PGCKA1: variants seen among roughly 807,000 people sequenced by gnomAD.
PGCKA1 encodes the protein PDCD10 and GCKIII kinases-associated protein 1.
At chr4:37,471,928 A>G in the PGCKA1 span, among the ~76,000 whole-genome samples, 8 of 152,132 alleles carry the variant, frequency 5.3e-5, no homozygotes, top group African/African-American at 1.9e-4. Flanking sequence ...CTCTGGCCTC[A>G]TTTTCTTTAA....
chr4:37,575,448 A>AT, the PGCKA1 span, among the ~76,000 whole-genome samples: 34 of 148,822 alleles, frequency 2.3e-4, no homozygotes, highest in East Asian at 1.2e-3. Context: ...GGATTCTTAG[A>AT]TTTTTTTTTT....
chr4:37,553,881 G>C, the PGCKA1 span, among the ~76,000 whole-genome samples: 1 of 152,158 alleles, frequency 6.6e-6, no homozygotes, highest in African/African-American at 2.4e-5. Context: ...TCTCTACTGA[G>C]GGTTTATAGT....
chr4:37,512,860 G>A, the PGCKA1 span, among the ~76,000 whole-genome samples: 77,505 of 151,344 alleles, frequency 0.51, 20,154 homozygotes, highest in African/African-American at 0.6. Context: ...AGGCCGAAGG[G>A]GGCAGATCAC....
the PGCKA1 span, among the ~76,000 whole-genome samples, chr4:37,462,247 C>T: frequency 6.6e-6 from 1 of 152,302 alleles, no homozygotes; most frequent in Admixed American, 6.5e-5. Flanking sequence ...TTCCCAACAA[C>T]CCTGTGATAT....
chr4:37,515,031 T>C, the PGCKA1 span, among the ~76,000 whole-genome samples: 1 of 152,224 alleles, frequency 6.6e-6, no homozygotes, highest in Admixed American at 6.5e-5. Context: ...TGAATGTTTA[T>C]GTCTCTCCAA....
the PGCKA1 span, among the ~76,000 whole-genome samples, chr4:37,522,666 G>A: frequency 1.3e-5 from 2 of 152,094 alleles, no homozygotes; most frequent in Admixed American, 1.3e-4. Context: ...ATCATTCAGG[G>A]GCCAGGGGCT....
the PGCKA1 span, among the ~76,000 whole-genome samples, chr4:37,480,638 A>C: frequency 1.2e-4 from 18 of 152,352 alleles, no homozygotes; most frequent in Non-Finnish European, 2.5e-4. Flanking sequence ...TGTGTGGAGA[A>C]GTTCATGGCA....
the PGCKA1 span, chr4:37,589,008 T>A: frequency 1.3e-6 from 1 of 788,142 alleles, no homozygotes; most frequent in Non-Finnish European, 2.2e-6. Context: ...TGGGGCATGA[T>A]CAACATTGCC....
At chr4:37,587,842 G>A in the PGCKA1 span, among the ~76,000 whole-genome samples, 9 of 152,162 alleles carry the variant, frequency 5.9e-5, no homozygotes, top group East Asian at 1.9e-4. Flanking sequence ...GGTGGCACCC[G>A]CCTGTAAACC....
chr4:37,587,897 A>T, the PGCKA1 span, among the ~76,000 whole-genome samples: 7 of 152,296 alleles, frequency 4.6e-5, no homozygotes, highest in South Asian at 1.5e-3. Context: ...TGAACCTGGG[A>T]GGCAGAGGTT....
chr4:37,534,873 G>A, the PGCKA1 span, among the ~76,000 whole-genome samples: 2 of 152,216 alleles, frequency 1.3e-5, no homozygotes, highest in African/African-American at 2.4e-5. Context: ...GGACACTAGT[G>A]TTCAGGCCAT....
chr4:37,588,004 T>C, the PGCKA1 span: 1 of 152,214 alleles, frequency 6.6e-6, no homozygotes, highest in African/African-American at 2.4e-5. Context: ...AGGCTGTAGA[T>C]ATTAGAAATG....
At chr4:37,549,134 A>T in the PGCKA1 span, among the ~76,000 whole-genome samples, 2 of 152,192 alleles carry the variant, frequency 1.3e-5, no homozygotes, top group Non-Finnish European at 2.9e-5. Flanking sequence ...ACAGGGAGGA[A>T]ACTTAGCATT....
the PGCKA1 span, among the ~76,000 whole-genome samples, chr4:37,464,995 A>G: frequency 2.0e-5 from 3 of 152,226 alleles, no homozygotes; most frequent in African/African-American, 7.2e-5. Context: ...ACTGTAAAAT[A>G]TGGAGAAATT....
the PGCKA1 span, among the ~76,000 whole-genome samples, chr4:37,539,453 T>C: frequency 5.6e-3 from 854 of 152,240 alleles, 12 homozygotes; most frequent in African/African-American, 0.019. Flanking sequence ...GGTCAGGAGT[T>C]TGAGACCAGC....
the PGCKA1 span, among the ~76,000 whole-genome samples, chr4:37,538,133 T>A: frequency 3.6e-3 from 547 of 152,046 alleles, 3 homozygotes; most frequent in African/African-American, 0.012. Flanking sequence ...GGTTTGAAAA[T>A]CTGTTGAGTG....
the PGCKA1 span, among the ~76,000 whole-genome samples, chr4:37,517,280 T>G: frequency 4.1e-5 from 6 of 147,626 alleles, no homozygotes; most frequent in East Asian, 1.2e-3. Context: ...AATATATATA[T>G]AAATATGTAT....
At chr4:37,569,114 G>A in the PGCKA1 span, among the ~76,000 whole-genome samples, 1 of 151,984 alleles carries the variant, frequency 6.6e-6, no homozygotes, top group African/African-American at 2.4e-5. Flanking sequence ...AAGGGGGGGA[G>A]AGATTAAACA....
chr4:37,550,770 G>T, the PGCKA1 span, among the ~76,000 whole-genome samples: 1 of 152,262 alleles, frequency 6.6e-6, no homozygotes, highest in East Asian at 1.9e-4. Flanking sequence ...GTCTCTAAAA[G>T]TCACTTCGTG....
Sources: allele counts gnomAD v4.1 joint callset (sites outside exome capture counted in the v4.1 genomes callset), GRCh38; gene constraint gnomAD v4.1.1; transcripts MANE v1.5; gene names NCBI Gene and HGNC (gene_info 2026-07-23, HGNC 2026-07-21).